The following ATOSA variants were observed in gnomAD, a reference collection of about 807,000 sequenced individuals.
ATOSA encodes atos homolog protein A.
At chr15:52,600,341 C>T in the ATOSA span, 11 of 637,502 alleles carry the variant, frequency 1.7e-5, no homozygotes, top group East Asian at 2.3e-4. Flanking sequence ...TACAGTGGCA[C>T]CATCATAGCT....
chr15:52,708,779 T>C, the ATOSA span, among the ~76,000 whole-genome samples: 1 of 152,292 alleles, frequency 6.6e-6, no homozygotes, highest in East Asian at 1.9e-4. Context: ...TGTTTACAGA[T>C]AGCTAATTGT....
the ATOSA span, among the ~76,000 whole-genome samples, chr15:52,619,099 G>C: frequency 6.6e-6 from 1 of 152,112 alleles, no homozygotes; most frequent in African/African-American, 2.4e-5. Flanking sequence ...TTATACAATG[G>C]TATTTTGAAA....
chr15:52,587,281 T>C, the ATOSA span: 3 of 1,323,382 alleles, frequency 2.3e-6, no homozygotes, highest in Admixed American at 2.2e-5. Flanking sequence ...AAGACTAAAA[T>C]AAGAATAACT....
the ATOSA span, among the ~76,000 whole-genome samples, chr15:52,667,186 T>C: frequency 6.6e-6 from 1 of 152,224 alleles, no homozygotes; most frequent in South Asian, 2.1e-4. Flanking sequence ...TTCAACAATA[T>C]TCACTTTTCT....
At chr15:52,705,396 C>A in the ATOSA span, among the ~76,000 whole-genome samples, 1 of 152,038 alleles carries the variant, frequency 6.6e-6, no homozygotes, top group African/African-American at 2.4e-5. Context: ...AGGAGAAATA[C>A]CTAATGTAAA....
chr15:52,680,347 G>T, the ATOSA span, among the ~76,000 whole-genome samples: 1 of 152,100 alleles, frequency 6.6e-6, no homozygotes, highest in African/African-American at 2.4e-5. Flanking sequence ...AATTTGCAAG[G>T]CTCTTTGGTT....
the ATOSA span, among the ~76,000 whole-genome samples, chr15:52,680,479 A>G: frequency 2.0e-5 from 3 of 152,252 alleles, no homozygotes; most frequent in Non-Finnish European, 2.9e-5. Context: ...TTTTTTTACA[A>G]TGAGTCTATT....
At chr15:52,643,892 G>A in the ATOSA span, among the ~76,000 whole-genome samples, 4 of 151,322 alleles carry the variant, frequency 2.6e-5, no homozygotes, top group African/African-American at 4.9e-5. Flanking sequence ...CAGCCTGGGC[G>A]ACAGAGGGAG....
the ATOSA span, among the ~76,000 whole-genome samples, chr15:52,646,893 G>A: frequency 6.6e-6 from 1 of 151,136 alleles, no homozygotes; most frequent in African/African-American, 2.4e-5. Context: ...TCTCAAAAGG[G>A]TCAGTAGAAG....
chr15:52,615,703 T>G, the ATOSA span, among the ~76,000 whole-genome samples: 1 of 152,178 alleles, frequency 6.6e-6, no homozygotes, highest in Non-Finnish European at 1.5e-5. Flanking sequence ...GAAGAAGCCT[T>G]GGGAGTAAAC....
At chr15:52,706,582 G>C in the ATOSA span, among the ~76,000 whole-genome samples, 1 of 152,184 alleles carries the variant, frequency 6.6e-6, no homozygotes, top group Non-Finnish European at 1.5e-5. Context: ...AAAAGTGATA[G>C]GGACATGTCA....
At chr15:52,613,208 A>C in the ATOSA span, among the ~76,000 whole-genome samples, 2 of 152,178 alleles carry the variant, frequency 1.3e-5, no homozygotes, top group Non-Finnish European at 2.9e-5. Context: ...TCTACTAAAA[A>C]TACAAAAATT....
the ATOSA span, among the ~76,000 whole-genome samples, chr15:52,614,772 CG>C: frequency 2.0e-5 from 3 of 151,886 alleles, no homozygotes; most frequent in South Asian, 6.2e-4. Flanking sequence ...CTCTTGAACA[CG>C]GGAGATGGAG....
chr15:52,594,829 C>G, the ATOSA span, among the ~76,000 whole-genome samples: 1 of 152,166 alleles, frequency 6.6e-6, no homozygotes, highest in Non-Finnish European at 1.5e-5. Flanking sequence ...CTCTGTACTA[C>G]TGCCAGAGTT....
the ATOSA span, among the ~76,000 whole-genome samples, chr15:52,697,481 T>A: frequency 6.6e-6 from 1 of 152,228 alleles, no homozygotes; most frequent in Non-Finnish European, 1.5e-5. Flanking sequence ...CATAAATGGC[T>A]AGTTGAAATG....
chr15:52,608,471 T>G, the ATOSA span: 3 of 1,226,378 alleles, frequency 2.4e-6, no homozygotes, highest in African/African-American at 1.5e-5. Context: ...CTATAGATAA[T>G]GGAACCTTGG....
the ATOSA span, chr15:52,651,931 T>C: frequency 3.9e-6 from 6 of 1,535,394 alleles, no homozygotes; most frequent in African/African-American, 2.7e-5. Context: ...ATAAAGGAAG[T>C]TGCCTTCTGG....
At chr15:52,651,076 G>A in the ATOSA span, among the ~76,000 whole-genome samples, 2 of 152,106 alleles carry the variant, frequency 1.3e-5, no homozygotes, top group Admixed American at 6.5e-5. Flanking sequence ...TATTATATTA[G>A]TACAGTTTAA....
the ATOSA span, among the ~76,000 whole-genome samples, chr15:52,694,701 C>G: frequency 5.9e-5 from 9 of 151,780 alleles, no homozygotes; most frequent in Non-Finnish European, 8.8e-5. Flanking sequence ...GACCTCACGC[C>G]CTATTATCAG....
Sources: allele counts gnomAD v4.1 joint callset (sites outside exome capture counted in the v4.1 genomes callset), GRCh38; gene constraint gnomAD v4.1.1; transcripts MANE v1.5; gene names NCBI Gene and HGNC (gene_info 2026-07-23, HGNC 2026-07-21).